The following CCSER2 variants were observed in gnomAD, a reference collection of about 807,000 sequenced individuals.
CCSER2 encodes serine-rich coiled-coil domain-containing protein 2.
Under a neutral mutation model 92.3 loss-of-function variants are expected in CCSER2, and 46 were observed. The ratio of observed to expected loss-of-function variants is 0.50; its 90% CI spans 0.39 to 0.64. The LOEUF is 0.64. Among genes scored for constraint, CCSER2 ranks in the 30% least tolerant of loss-of-function variants. The probability of loss-of-function intolerance (pLI) is 0.00; values close to 1 mark genes in which losing one functional copy is unlikely to be tolerated. For missense variants in CCSER2, 1,244 were observed against 1,238.9 expected (o/e 1.00, Z -0.06); for synonymous variants, 433 against 431.4 (o/e 1.00, Z -0.04).
chr10:84,373,468 T>C, intron 2 of CCSER2, 151 bp from the exon 3 acceptor site: 1 of 533,960 alleles, frequency 1.9e-6, no homozygotes, highest in South Asian at 3.7e-5. Flanking sequence ...TTGATGTTTT[T>C]ATTGCTTAGG....
intron 5 of CCSER2, among the ~76,000 whole-genome samples, chr10:84,434,270 T>A (rs1843970236): frequency 1.3e-5 from 2 of 152,210 alleles, no homozygotes; most frequent in African/African-American, 4.8e-5. Context: ...TCTCAGAATC[T>A]GAAATCTCAA....
chr10:84,428,147 T>G (rs1236842847), intron 5 of CCSER2, among the ~76,000 whole-genome samples: 2 of 152,174 alleles, frequency 1.3e-5, no homozygotes, highest in African/African-American at 4.8e-5. Context: ...TGCTTAGTCC[T>G]GTAGGACAGT....
At chr10:84,370,368 GTATTT>G (rs1220693389) in intron 1 of CCSER2, among the ~76,000 whole-genome samples, 1 of 151,908 alleles carries the variant, frequency 6.6e-6, no homozygotes, top group Non-Finnish European at 1.5e-5. Flanking sequence ...GTATACCTAG[GTATTT>G]TATTTTATTT....
chr10:84,455,635 G>T, intron 6 of CCSER2: 3 of 638,060 alleles, frequency 4.7e-6, no homozygotes, highest in Admixed American at 2.0e-5. Context: ...TTTTTGAACT[G>T]CCTTCCACAG....
chr10:84,366,560 C>T (rs1845785774), intron 1 of CCSER2, among the ~76,000 whole-genome samples: 1 of 152,118 alleles, frequency 6.6e-6, no homozygotes, highest in African/African-American at 2.4e-5. Context: ...TTAATTTTAA[C>T]TGGAAATGTT....
chr10:84,463,761 C>T (rs1846236076), intron 6 of CCSER2, among the ~76,000 whole-genome samples, 172 bp from the exon 7 acceptor site: 1 of 152,188 alleles, frequency 6.6e-6, no homozygotes, highest in Non-Finnish European at 1.5e-5. Flanking sequence ...TTCCTTCTAA[C>T]AGTATATATA....
intron 9 of CCSER2, among the ~76,000 whole-genome samples, chr10:84,491,203 A>G (rs1848142151): frequency 6.6e-6 from 1 of 152,204 alleles, no homozygotes; most frequent in African/African-American, 2.4e-5. Context: ...CCACTTGAGG[A>G]GGCAGTCTGT....
chr10:84,437,180 GAGAC>G (rs1175114509), intron 5 of CCSER2, among the ~76,000 whole-genome samples: 4 of 151,696 alleles, frequency 2.6e-5, no homozygotes, highest in African/African-American at 4.8e-5. Context: ...GAGAGACAGA[GAGAC>G]AGAGAGAGAC....
intron 5 of CCSER2, among the ~76,000 whole-genome samples, chr10:84,436,065 G>A (rs1007278590): frequency 6.6e-6 from 1 of 151,990 alleles, no homozygotes; most frequent in Non-Finnish European, 1.5e-5. Context: ...CGCCGTGGCC[G>A]ACGCCTGTAA....
At chr10:84,386,601 C>A (rs1336224406) in intron 3 of CCSER2, among the ~76,000 whole-genome samples, 1 of 152,204 alleles carries the variant, frequency 6.6e-6, no homozygotes, top group Admixed American at 6.5e-5. Flanking sequence ...TGCCTGCGAT[C>A]CCAGCTATTC....
At chr10:84,456,015 T>A in intron 6 of CCSER2, 1 of 522,070 alleles carries the variant, frequency 1.9e-6, no homozygotes, top group Non-Finnish European at 3.7e-6. Flanking sequence ...CAGCAACACC[T>A]TTGCTTCTTC....
chr10:84,507,952 G>C (rs370519515), intron 9 of CCSER2, among the ~76,000 whole-genome samples: 1 of 152,118 alleles, frequency 6.6e-6, no homozygotes, highest in African/African-American at 2.4e-5. Flanking sequence ...AGGAAAGTTA[G>C]TTCCTTAATA....
At chr10:84,471,152 C>T (rs1311379786) in intron 8 of CCSER2, among the ~76,000 whole-genome samples, 1 of 152,006 alleles carries the variant, frequency 6.6e-6, no homozygotes, top group African/African-American at 2.4e-5. Flanking sequence ...ATTAATCTCA[C>T]TGAAAATATA....
chr10:84,426,479 T>C (rs1162598741), intron 5 of CCSER2, among the ~76,000 whole-genome samples: 1 of 151,932 alleles, frequency 6.6e-6, no homozygotes, highest in East Asian at 2.0e-4. Context: ...ATAATTTATT[T>C]AAACCGTCTC....
chr10:84,425,700 T>A (rs1843392775), intron 4 of CCSER2, 31 bp from the exon 5 acceptor site: 1 of 1,526,578 alleles, frequency 6.6e-7, no homozygotes, highest in Non-Finnish European at 8.9e-7. Flanking sequence ...TATGTACATG[T>A]TTATAGTCTT....
chr10:84,357,632 A>G (rs1192608727), intron 1 of CCSER2, among the ~76,000 whole-genome samples: 1 of 151,934 alleles, frequency 6.6e-6, no homozygotes, highest in Non-Finnish European at 1.5e-5. Context: ...TTGTGTTTTT[A>G]GTAGAGACGG....
intron 6 of CCSER2, among the ~76,000 whole-genome samples, chr10:84,463,290 T>C (rs748416417): frequency 2.6e-5 from 4 of 152,204 alleles, no homozygotes; most frequent in Non-Finnish European, 4.4e-5. Flanking sequence ...ATATGTATGT[T>C]TAACTACCGT....
intron 3 of CCSER2, among the ~76,000 whole-genome samples, chr10:84,392,758 G>A (rs1181487409): frequency 6.6e-6 from 1 of 152,040 alleles, no homozygotes; most frequent in African/African-American, 2.4e-5. Flanking sequence ...TACCTTTTTT[G>A]GGGTGTGCAG....
chr10:84,404,900 T>C (rs1464038029), intron 3 of CCSER2, among the ~76,000 whole-genome samples: 1 of 152,162 alleles, frequency 6.6e-6, no homozygotes, highest in East Asian at 1.9e-4. Flanking sequence ...TAAATAAAAA[T>C]ATGACCTACA....
Sources: allele counts gnomAD v4.1 joint callset (sites outside exome capture counted in the v4.1 genomes callset), GRCh38; gene constraint gnomAD v4.1.1; transcripts MANE v1.5; gene names NCBI Gene and HGNC (gene_info 2026-07-23, HGNC 2026-07-21).